The following UBE2J2 variants were observed in gnomAD, a reference collection of about 807,000 sequenced individuals.
The protein encoded by UBE2J2 is ubiquitin conjugating enzyme E2 J2.
Under a neutral mutation model 28.6 loss-of-function variants are expected in UBE2J2, and 5 were observed. The ratio of observed to expected loss-of-function variants is 0.17; its 90% confidence interval spans 0.09 to 0.37. UBE2J2 has a LOEUF of 0.37. Among genes scored for constraint, UBE2J2 ranks in the 10% least tolerant of loss-of-function variants. The pLI, the probability that UBE2J2 is intolerant of heterozygous loss-of-function variation, is 1.00. For synonymous variants in UBE2J2, 138 were observed against 139.7 expected (o/e 0.99, Z 0.09); for missense variants, 226 against 338.9 (o/e 0.67, Z 2.62).
At chr1:1,267,770 G>A in intron 2 of UBE2J2, 92 bp downstream of exon 2, 1 of 1,573,484 alleles carries the variant, frequency 6.4e-7, no homozygotes, top group East Asian at 2.3e-5. Context: ...CCAATGCCAT[G>A]ACTGGGGCAC....
intron 2 of UBE2J2, among the ~76,000 whole-genome samples, chr1:1,266,696 A>G (rs965839917): frequency 5.9e-5 from 9 of 151,844 alleles, no homozygotes; most frequent in Admixed American, 2.6e-4. Flanking sequence ...GCATGGTGGC[A>G]GGCGCCTGTA....
At chr1:1,261,009 G>A (rs1005579282) in intron 3 of UBE2J2, among the ~76,000 whole-genome samples, 9 of 152,342 alleles carry the variant, frequency 5.9e-5, no homozygotes, top group South Asian at 4.1e-4. Flanking sequence ...CCCAGTGCAC[G>A]GAGGGGACGC....
chr1:1,264,354 AGAG>A (rs1469050939), intron 2 of UBE2J2, among the ~76,000 whole-genome samples: 3 of 152,374 alleles, frequency 2.0e-5, no homozygotes, highest in African/African-American at 4.8e-5. Context: ...AGAAGAGCAC[AGAG>A]AAGAAAGTAA....
chr1:1,262,499 C>A, intron 3 of UBE2J2: 1 of 328,616 alleles, frequency 3.0e-6, no homozygotes, highest in Non-Finnish European at 6.1e-6. Flanking sequence ...CAGTCCAAAG[C>A]AGGGGTTGCA....
intron 3 of UBE2J2, among the ~76,000 whole-genome samples, chr1:1,258,206 A>AT (rs59549363): frequency 2.7e-5 from 4 of 150,288 alleles, no homozygotes; most frequent in Admixed American, 2.0e-4. Flanking sequence ...CACCCAGCTA[A>AT]TTTTTTTTTT....
In UBE2J2 at chr1:1,255,272, A is replaced by G; in HGVS notation, c.711T>C (p.Phe237=). 6.2e-7 allele frequency: 1 copy of G among 1,613,408 alleles called. No homozygotes were observed. The highest frequency in any genetic ancestry group is 8.5e-7 in the Non-Finnish European group (1 of 1,179,818). The part of the protein sequence containing the change: ...GLLGGALANL[F]VIVGFAAFAY... ...CAAAGGCTGCAAACCCAACTATCAC[A>G]AACAAGTTCGCCAGGGCGCCACCCA... The change falls in exon 7 of 7, where the codon TTT becomes TTC. Residue 237 remains phenylalanine, a synonymous_variant. Transcript: ENST00000349431.
intron 2 of UBE2J2, chr1:1,266,096 AC>A: frequency 3.8e-6 from 5 of 1,303,804 alleles, no homozygotes; most frequent in Non-Finnish European, 5.1e-6. Context: ...TGTCCCTCTC[AC>A]CTGCCAGCGA....
At chr1:1,266,118 C>A in intron 2 of UBE2J2, 1 of 1,304,110 alleles carries the variant, frequency 7.7e-7, no homozygotes. Context: ...TGTCCTGGGG[C>A]CACATGTGAT....
Position 1,255,215 on chromosome 1 carries a change from G to C in UBE2J2, c.768C>G (p.Ile256Met). Residue 256 changes from isoleucine (I) to methionine (M), a missense_variant, in exon 7 of 7, where the codon ATC (isoleucine) becomes ATG (methionine). Around this residue, in one of 3 missense-constraint regions of UBE2J2, gnomAD observed 133 missense variants for 161.5 expected, o/e 0.82. Transcript: ENST00000349431. The stretch of plus-strand genomic sequence containing the variant: ...CGGCGCCTGGGCCTCACTCCTGCGC[G>C]ATGCTCCTCAGCACGTACTTGACCG... Reference protein sequence around the residue: ...AYTVKYVLRSIAQE With the variant: ...AYTVKYVLRSMAQE 5 of 1,598,972 alleles carry C rather than the reference G, an allele frequency of 3.1e-6. No homozygotes were observed. The highest frequency in any genetic ancestry group is 4.3e-6 in the Non-Finnish European group (5 of 1,169,330).
At chr1:1,263,127 GA>G in intron 3 of UBE2J2, 1 of 539,694 alleles carries the variant, frequency 1.9e-6, no homozygotes, top group Non-Finnish European at 3.4e-6. Context: ...GGTGAACACA[GA>G]CGCTACAGGC....
rs1639672704 is a variant in UBE2J2 at position 1,263,384 on chromosome 1, T to C, written c.134A>G (p.His45Arg). 6.2e-7 allele frequency: 1 copy of C among 1,612,866 alleles called. No individual in the cohort carries two copies. Among genetic ancestry groups the C allele is most frequent in the Non-Finnish European group, 8.5e-7 (1 of 1,179,132 alleles). ...EPLPSNILEW[H>R]YVVRGPEMTP... ...CATCTCTGGGCCTCGGACGACATAG[T>C]GCCTAAGGGAGAGAAGAAAATTACT... Residue 45 changes from histidine (H) to arginine (R), a missense_variant and splice_region_variant, in exon 3 of 7, where the codon CAC (histidine) becomes CGC (arginine). By Grantham distance (29) the His-to-Arg change is conservative. This residue lies in a region of UBE2J2 where 80 missense variants were observed against 114.5 expected (regional missense o/e 0.70). Coordinates refer to ENST00000349431, the MANE Select transcript of UBE2J2 (RefSeq NM_058167.3).
At chr1:1,271,836 T>C (rs1329803663) in intron 1 of UBE2J2, among the ~76,000 whole-genome samples, 1 of 151,836 alleles carries the variant, frequency 6.6e-6, no homozygotes, top group Non-Finnish European at 1.5e-5. Context: ...TAATCAGGCA[T>C]GGTGGCATGT....
At chr1:1,267,165 A>C (rs1211033204) in intron 2 of UBE2J2, among the ~76,000 whole-genome samples, 1 of 152,180 alleles carries the variant, frequency 6.6e-6, no homozygotes, top group African/African-American at 2.4e-5. Flanking sequence ...CTGGGATTAC[A>C]GGTGTGAGCC....
At position 1,255,158 on chromosome 1, in the gene UBE2J2, G is replaced by T. The variant is rs1279577733; in HGVS notation, c.*45C>A. 2 of 1,535,012 alleles carry T rather than the reference G, an allele frequency of 1.3e-6. No individual in the cohort carries two copies. The highest frequency in any genetic ancestry group is 3.8e-5 in the Admixed American group (2 of 52,192). On this transcript the variant is annotated 3_prime_UTR_variant, in exon 7 of 7. Coordinates refer to ENST00000349431, the MANE Select transcript of UBE2J2 (RefSeq NM_058167.3). ...TCCAGCCTGCCGAGGTCACGCTCTG[G>T]TGCGCGGTGCCCTCAGTGGCGCCTT...
rs748358918 is a variant in UBE2J2 at position 1,267,958 on chromosome 1, G to A, written c.35C>T (p.Thr12Met). Residue 12 changes from threonine to methionine, a missense_variant, in exon 2 of 7, where the codon ACG becomes ATG. Transcript: ENST00000349431. ...SSTSSKRAPT[T>M]ATQRLKQDYL... ...GTCCTGCTTCAGCCTCTGGGTTGCC[G>A]TGGTCGGAGCCCTCTTACTGCTGGT... 3.1e-6 allele frequency: 5 copies of A among 1,614,086 alleles called. No homozygotes were observed. The South Asian group carries it at 3.3e-5, about 11-fold the overall frequency.
chr1:1,268,002 G>A lies in UBE2J2; in HGVS notation c.1-10C>T. On this transcript the variant is annotated splice_polypyrimidine_tract_variant and intron_variant, in intron 1 of 6. Coordinates refer to ENST00000349431, the MANE Select transcript of UBE2J2 (RefSeq NM_058167.3). The surrounding 1 kb of genome is among the most constrained non-coding windows in gnomAD (Gnocchi z 4.7). ...TGCTGGTGCTGCTCATCTGTTAAAA[G>A]CAACGTCTACACTGACGACGAGAAG... 1 of 1,613,686 alleles carries A rather than the reference G, an allele frequency of 6.2e-7. No homozygotes were observed. The highest frequency in any genetic ancestry group is 8.5e-7 in the Non-Finnish European group (1 of 1,179,834).
chr1:1,263,188 G>C, intron 3 of UBE2J2, 158 bp downstream of exon 3: 1 of 698,276 alleles, frequency 1.4e-6, no homozygotes, highest in Non-Finnish European at 2.6e-6. Context: ...CCAGCGTGTG[G>C]AGAAGCAGAC....
At chr1:1,263,736 G>A (rs889312368) in intron 2 of UBE2J2, among the ~76,000 whole-genome samples, 5 of 152,096 alleles carry the variant, frequency 3.3e-5, no homozygotes, top group Admixed American at 1.3e-4. Flanking sequence ...CTTGAAGACT[G>A]TAATCCCAGC....
rs1639089919 is a variant in UBE2J2 at position 1,255,062 on chromosome 1, T to G, written c.*141A>C. Reference sequence around the variant, plus strand: ...AAAGCCCAGTCACACATTTTGGTTTTTGCTTCCCCTTTCAGGTTTTTAAAA... The same window carrying G: ...AAAGCCCAGTCACACATTTTGGTTTGTGCTTCCCCTTTCAGGTTTTTAAAA... On this transcript the variant is annotated 3_prime_UTR_variant, in exon 7 of 7. Coordinates refer to ENST00000349431, the MANE Select transcript of UBE2J2 (RefSeq NM_058167.3). The G allele has an allele frequency of 3.0e-6, 3 of 1,015,250 alleles. No individual in the cohort carries two copies. The highest frequency in any genetic ancestry group is 5.4e-5 in the East Asian group (2 of 36,910). The allele number at this position is 1,015,250 out of a possible 1,614,324, so 62.9% of individuals were successfully genotyped here. A position where few individuals can be genotyped will look rare whatever the true frequency, so the allele number is the denominator to read the frequency against.
Sources: allele counts gnomAD v4.1 joint callset (sites outside exome capture counted in the v4.1 genomes callset), GRCh38; gene constraint gnomAD v4.1.1; regional missense constraint gnomAD v4.1.1; non-coding constraint Gnocchi (gnomAD v3.1); transcripts MANE v1.5; gene names NCBI Gene and HGNC (gene_info 2026-07-23, HGNC 2026-07-21).